SEMA3A: variants seen among roughly 807,000 people sequenced by gnomAD.
SEMA3A encodes the protein semaphorin 3A.
In SEMA3A, 29 loss-of-function variants were observed where a neutral mutation model predicts 97.9. The ratio of observed to expected loss-of-function variants is 0.30; its 90% CI spans 0.22 to 0.40. The LOEUF (loss-of-function observed/expected upper bound fraction) is 0.40, where lower values mean the gene tolerates loss of function less well. Ranked by LOEUF, SEMA3A falls within the 10% of genes least tolerant of loss-of-function variation. SEMA3A has a pLI of 1.00. For missense variants in SEMA3A, 763 were observed against 951.3 expected (o/e 0.80, Z 2.60); for synonymous variants, 321 against 323.7 (o/e 0.99, Z 0.09).
chr7:83,957,329 C>T lies in SEMA3A; in HGVS notation c.*4042G>A, dbSNP rs908269535. ...GGTTATGTCTTATTCACTTTAGTGT[C>T]CTCATCACCTAACATAATACCTAGC... On this transcript the variant is annotated 3_prime_UTR_variant, in exon 17 of 17. Coordinates refer to ENST00000265362, the MANE Select transcript of SEMA3A (RefSeq NM_006080.3). 3.3e-5 allele frequency: 5 copies of T among 152,048 alleles called. No individual in the cohort carries two copies. The highest frequency in any genetic ancestry group is 1.2e-4 in the African/African-American group (5 of 41,406). 9.4% of individuals were successfully genotyped at this position (152,048 alleles called of 1,614,324 possible). A position where few individuals can be genotyped will look rare whatever the true frequency, so the allele number is the denominator to read the frequency against.
chr7:84,180,027 A>G (rs1431279183), intron 1 of SEMA3A, among the ~76,000 whole-genome samples: 1 of 142,014 alleles, frequency 7.0e-6, no homozygotes, highest in African/African-American at 2.6e-5. Context: ...GCTCACCACA[A>G]CCTCCACCTC....
chr7:84,014,399 A>G, intron 6 of SEMA3A, 48 bp from the exon 7 acceptor site: 1 of 1,470,908 alleles, frequency 6.8e-7, no homozygotes, highest in Non-Finnish European at 9.4e-7. Context: ...CTTAATAAAT[A>G]ATACCATTCT....
chr7:84,208,310 G>T (rs1195466444), intron 3 of SEMA3A, among the ~76,000 whole-genome samples: 1 of 151,876 alleles, frequency 6.6e-6, no homozygotes, highest in East Asian at 1.9e-4. Context: ...AAATTAGCTG[G>T]GTGTGGTGGC....
chr7:84,225,852 G>T (rs2116345353), intron 3 of SEMA3A, among the ~76,000 whole-genome samples: 1 of 152,214 alleles, frequency 6.6e-6, no homozygotes, highest in African/African-American at 2.4e-5. Flanking sequence ...AAGATAACGT[G>T]CTGTCTACTT....
intron 6 of SEMA3A, among the ~76,000 whole-genome samples, chr7:84,031,901 T>G (rs1391165260): frequency 6.6e-6 from 1 of 152,188 alleles, no homozygotes; most frequent in Non-Finnish European, 1.5e-5. Context: ...TATGCTTTCT[T>G]TCCTCTGAAA....
At chr7:84,424,884 A>T (rs1294125862) in intron 1 of SEMA3A, among the ~76,000 whole-genome samples, 1 of 83,274 alleles carries the variant, frequency 1.2e-5, no homozygotes, top group Non-Finnish European at 2.1e-5. Context: ...ATATAATATT[A>T]TATATAAATA....
In SEMA3A at chr7:84,208,316, G is replaced by A. The variant is rs1310096529; in HGVS notation, c.-82-13648C>T. Among the ~76,000 whole-genome samples, 6 of 151,986 alleles carry A rather than the reference G, an allele frequency of 3.9e-5. No homozygotes were observed. In the South Asian group the frequency reaches 1.0e-3, roughly 26 times the overall value. ...AAATACAAAAAATTAGCTGGGTGTG[G>A]TGGCGGGCGCCTGTAATCCCAGCTA... is the stretch of plus-strand genomic sequence containing the variant. On this transcript the variant is annotated intron_variant, in intron 3 of 3. Coordinates refer to the SEMA3A transcript ENST00000424555.
At chr7:84,166,104 C>T (rs562801514) in intron 1 of SEMA3A, among the ~76,000 whole-genome samples, 8 of 151,986 alleles carry the variant, frequency 5.3e-5, no homozygotes, top group African/African-American at 1.9e-4. Flanking sequence ...GAGACACTCT[C>T]TCTTGAAAAA....
chr7:84,221,047 G>A (rs1798868256), intron 3 of SEMA3A, among the ~76,000 whole-genome samples: 1 of 152,138 alleles, frequency 6.6e-6, no homozygotes, highest in Non-Finnish European at 1.5e-5. Context: ...TCTGTTTAGT[G>A]TAGTCACCTT....
intron 3 of SEMA3A, among the ~76,000 whole-genome samples, chr7:84,252,725 C>T (rs1799636362): frequency 6.6e-6 from 1 of 152,120 alleles, no homozygotes; most frequent in Non-Finnish European, 1.5e-5. Flanking sequence ...CATGTTATTT[C>T]ACTCTCTCAT....
intron 12 of SEMA3A, among the ~76,000 whole-genome samples, chr7:83,994,997 T>G (rs1010790116): frequency 1.1e-4 from 17 of 152,234 alleles, no homozygotes; most frequent in Admixed American, 3.9e-4. Context: ...CTCCGAGCCA[T>G]GTGCGGGATA....
intron 12 of SEMA3A, among the ~76,000 whole-genome samples, chr7:83,999,163 A>T (rs988857595): frequency 6.6e-6 from 1 of 152,138 alleles, no homozygotes; most frequent in African/African-American, 2.4e-5. Context: ...CATATGTGGG[A>T]TTTATTCTTG....
At chr7:84,455,846 A>C (rs1410977862) in intron 1 of SEMA3A, among the ~76,000 whole-genome samples, 2 of 151,940 alleles carry the variant, frequency 1.3e-5, no homozygotes, top group Admixed American at 1.3e-4. Context: ...AAAAGATTTA[A>C]CCAGTGTAGT....
At chr7:84,100,791 G>A (rs1583967678) in intron 4 of SEMA3A, among the ~76,000 whole-genome samples, 1 of 152,194 alleles carries the variant, frequency 6.6e-6, no homozygotes, top group South Asian at 2.1e-4. Flanking sequence ...GTTAATTGCA[G>A]TTGAGCAGTA....
intron 2 of SEMA3A, among the ~76,000 whole-genome samples, chr7:84,342,812 G>A (rs1390892310): frequency 6.6e-6 from 1 of 152,200 alleles, no homozygotes; most frequent in Non-Finnish European, 1.5e-5. Context: ...TTATAGAGAT[G>A]AGGGATTTTG....
chr7:84,487,089 C>G (rs1228450891), intron 1 of SEMA3A, among the ~76,000 whole-genome samples: 2 of 151,842 alleles, frequency 1.3e-5, no homozygotes, highest in Non-Finnish European at 1.5e-5. Flanking sequence ...GAACATATAG[C>G]AATGATAATA....
At chr7:84,061,837 T>G (rs1793227934) in intron 4 of SEMA3A, among the ~76,000 whole-genome samples, 1 of 152,212 alleles carries the variant, frequency 6.6e-6, no homozygotes, top group Admixed American at 6.5e-5. Flanking sequence ...TTATTCTGTA[T>G]TTGGCAATTA....
At chr7:84,089,519 A>AAC (rs10638067) in intron 4 of SEMA3A, among the ~76,000 whole-genome samples, 62,578 of 151,742 alleles carry the variant, frequency 0.41, 14,741 homozygotes, top group Admixed American at 0.52. Flanking sequence ...TCAACCATAT[A>AAC]AGTCTGTAGC....
intron 2 of SEMA3A, among the ~76,000 whole-genome samples, chr7:84,308,718 G>A (rs1801230360): frequency 6.6e-6 from 1 of 152,102 alleles, no homozygotes; most frequent in Non-Finnish European, 1.5e-5. Flanking sequence ...TTTTAGGGAG[G>A]AGAAATGGTA....
Sources: gnomAD v4.1 joint callset for allele counts (sites outside exome capture counted in the v4.1 genomes callset) on GRCh38, gnomAD v4.1.1 for gene constraint, MANE v1.5 for transcripts, NCBI Gene and HGNC (gene_info 2026-07-23, HGNC 2026-07-21) for gene names.